RBFOX1: variants seen among roughly 807,000 people sequenced by gnomAD.
RBFOX1 encodes RNA binding fox-1 homolog 1.
In RBFOX1, 8 loss-of-function variants were observed where a neutral mutation model predicts 57.7. The ratio of observed to expected loss-of-function variants is 0.14; its 90% CI spans 0.08 to 0.25. RBFOX1 has a LOEUF of 0.25. Among genes scored for constraint, RBFOX1 ranks in the 10% least tolerant of loss-of-function variants. The pLI is 1.00. For synonymous variants in RBFOX1, 326 were observed against 222.4 expected (o/e 1.47, Z -4.15); for missense variants, 611 against 548.5 (o/e 1.11, Z -1.14).
At chr16:6,365,342 G>A (rs1005961165) in intron 2 of RBFOX1, among the ~76,000 whole-genome samples, 4 of 151,302 alleles carry the variant, frequency 2.6e-5, no homozygotes, top group African/African-American at 9.7e-5. Flanking sequence ...GTGGATGGAT[G>A]GATGGATGGA....
intron 2 of RBFOX1, among the ~76,000 whole-genome samples, chr16:5,598,245 A>T (rs546792240): frequency 3.2e-4 from 48 of 152,124 alleles, no homozygotes; most frequent in Middle Eastern, 3.4e-3. Flanking sequence ...AATAAATAAA[A>T]AAAGTAGTGC....
chr16:7,072,623 G>T (rs528449594), intron 4 of RBFOX1, among the ~76,000 whole-genome samples: 1 of 152,282 alleles, frequency 6.6e-6, no homozygotes, highest in Admixed American at 6.5e-5. Flanking sequence ...CTAGAAAGCT[G>T]CCCTAGGAAG....
At chr16:6,718,152 A>T (rs2065208004) in intron 3 of RBFOX1, among the ~76,000 whole-genome samples, 1 of 152,192 alleles carries the variant, frequency 6.6e-6, no homozygotes, top group Admixed American at 6.5e-5. Context: ...CCTTGCAAAG[A>T]TGTCCCCATC....
chr16:6,917,067 T>C (rs2073353883), intron 3 of RBFOX1, among the ~76,000 whole-genome samples: 1 of 152,198 alleles, frequency 6.6e-6, no homozygotes, highest in African/African-American at 2.4e-5. Context: ...GACAGGCTAG[T>C]CCTGAACTCA....
At chr16:5,243,468 G>C (rs1045689487) in intron 1 of RBFOX1, among the ~76,000 whole-genome samples, 6 of 152,106 alleles carry the variant, frequency 3.9e-5, no homozygotes, top group African/African-American at 1.4e-4. Context: ...CTTTGGCACC[G>C]TCACAACACT....
chr16:6,102,474 G>T (rs17139415), intron 1 of RBFOX1, among the ~76,000 whole-genome samples: 12,193 of 152,074 alleles, frequency 0.08, 1,527 homozygotes, highest in African/African-American at 0.27. Context: ...GCACGTCAAC[G>T]GCTGAGGACA....
chr16:5,597,390 G>C (rs918151884), intron 2 of RBFOX1, among the ~76,000 whole-genome samples: 3 of 127,440 alleles, frequency 2.4e-5, no homozygotes, highest in African/African-American at 9.5e-5. Flanking sequence ...GCCAAAGCTT[G>C]CTGACTTTTT....
chr16:5,629,131 C>A (rs1045595061), intron 3 of RBFOX1, among the ~76,000 whole-genome samples: 2 of 152,214 alleles, frequency 1.3e-5, no homozygotes, highest in Non-Finnish European at 2.9e-5. Flanking sequence ...TTTTACTCTT[C>A]ATTTTCCACT....
chr16:5,393,198 C>T (rs2066461187), intron 1 of RBFOX1, among the ~76,000 whole-genome samples: 2 of 152,098 alleles, frequency 1.3e-5, no homozygotes, highest in African/African-American at 2.4e-5. Context: ...GCCATCACGG[C>T]TGGGCTGTGG....
intron 3 of RBFOX1, among the ~76,000 whole-genome samples, chr16:7,028,069 A>G (rs550218178): frequency 3.3e-5 from 5 of 152,266 alleles, no homozygotes; most frequent in Admixed American, 3.3e-4. Context: ...CGCAGCCCTG[A>G]GAAACGTGGT....
intron 2 of RBFOX1, among the ~76,000 whole-genome samples, chr16:6,551,101 C>T (rs1046256558): frequency 6.6e-6 from 1 of 152,090 alleles, no homozygotes; most frequent in African/African-American, 2.4e-5. Context: ...AATGGCTCTG[C>T]GTTTTGGGTT....
At chr16:5,556,279 C>G (rs2045672718) in intron 2 of RBFOX1, among the ~76,000 whole-genome samples, 1 of 152,174 alleles carries the variant, frequency 6.6e-6, no homozygotes, top group Admixed American at 6.5e-5. Flanking sequence ...GTAGAAAGCG[C>G]TATCAAAGGG....
chr16:5,875,923 A>G (rs2057597643), intron 4 of RBFOX1, among the ~76,000 whole-genome samples: 1 of 151,174 alleles, frequency 6.6e-6, no homozygotes, highest in Non-Finnish European at 1.5e-5. Context: ...GGCTCACTGC[A>G]AGCCCCGCCT....
intron 4 of RBFOX1, among the ~76,000 whole-genome samples, chr16:5,887,266 C>T (rs913937762): frequency 6.6e-6 from 1 of 152,132 alleles, no homozygotes; most frequent in African/African-American, 2.4e-5. Flanking sequence ...ATTCGTGGTA[C>T]CTGGCCCTGG....
intron 4 of RBFOX1, among the ~76,000 whole-genome samples, chr16:7,132,391 G>A (rs980929955): frequency 1.7e-4 from 25 of 150,566 alleles, no homozygotes; most frequent in African/African-American, 5.6e-4. Flanking sequence ...GCAACCTAAA[G>A]GTCCATTGAT....
intron 4 of RBFOX1, among the ~76,000 whole-genome samples, chr16:7,191,185 C>A (rs1406191068): frequency 1.3e-5 from 2 of 152,134 alleles, no homozygotes; most frequent in Non-Finnish European, 2.9e-5. Context: ...CCCCTTTCAA[C>A]CCCTCTCATT....
chr16:6,452,883 C>T (rs2094667345), intron 2 of RBFOX1, among the ~76,000 whole-genome samples: 2 of 152,144 alleles, frequency 1.3e-5, no homozygotes, highest in South Asian at 4.1e-4. Context: ...AGATGGTGTT[C>T]ATAAAGCCCT....
At chr16:7,489,300 T>C (rs1024547834) in intron 4 of RBFOX1, among the ~76,000 whole-genome samples, 3 of 152,352 alleles carry the variant, frequency 2.0e-5, no homozygotes, top group East Asian at 3.9e-4. Context: ...ATTTACTAAA[T>C]GACAGGAACT....
intron 3 of RBFOX1, among the ~76,000 whole-genome samples, chr16:6,678,112 AGTTTT>A (rs1171654623): frequency 2.0e-5 from 3 of 152,110 alleles, no homozygotes; most frequent in East Asian, 1.9e-4. Context: ...TTAAATTAAA[AGTTTT>A]GTTTTGTTTT....
Sources: allele counts gnomAD v4.1 joint callset (sites outside exome capture counted in the v4.1 genomes callset), GRCh38; gene constraint gnomAD v4.1.1; transcripts MANE v1.5; gene names NCBI Gene and HGNC (gene_info 2026-07-23, HGNC 2026-07-21).